PRSS23: variants seen among roughly 807,000 people sequenced by gnomAD.
The protein encoded by PRSS23 is serine protease 23, also known as protease, serine 23.
PRSS23 carries 25 observed loss-of-function variants against 34.7 expected under a neutral mutation model. The observed-to-expected ratio is 0.72, with a 90% confidence interval of 0.53 to 1.01. The LOEUF is 1.01. Ranked by LOEUF, PRSS23 falls within the 50% of genes least tolerant of loss-of-function variation. The pLI, the probability that PRSS23 is intolerant of heterozygous loss-of-function variation, is 0.00. For missense variants in PRSS23, 445 were observed against 475.6 expected (o/e 0.94, Z 0.60); for synonymous variants, 176 against 186.6 (o/e 0.94, Z 0.46).
chr11:86,892,142 A>G (rs1181811484), intron 2 of PRSS23: 1 of 152,234 alleles, frequency 6.6e-6, no homozygotes, highest in Non-Finnish European at 1.5e-5. Flanking sequence ...CCCAAAGCCA[A>G]CTAATGGGAC....
At chr11:86,871,464 C>A (rs1948683918) in intron 2 of PRSS23, among the ~76,000 whole-genome samples, 2 of 152,130 alleles carry the variant, frequency 1.3e-5, no homozygotes, top group South Asian at 4.1e-4. Context: ...GTTCTCTCTG[C>A]ATATTTTTAA....
At chr11:86,862,579 A>G (rs1409385059) in intron 2 of PRSS23, among the ~76,000 whole-genome samples, 2 of 150,886 alleles carry the variant, frequency 1.3e-5, no homozygotes, top group Non-Finnish European at 3.0e-5. Context: ...GGAGAATGCT[A>G]CTCCTAATGT....
intron 2 of PRSS23, among the ~76,000 whole-genome samples, chr11:86,823,812 C>T (rs1034746049): frequency 6.6e-6 from 1 of 151,884 alleles, no homozygotes; most frequent in African/African-American, 2.4e-5. Context: ...CGAGACCATC[C>T]TGGCTAACAC....
At chr11:86,878,774 T>G (rs1948744266) in intron 2 of PRSS23, among the ~76,000 whole-genome samples, 2 of 149,158 alleles carry the variant, frequency 1.3e-5, no homozygotes, top group African/African-American at 5.0e-5. Flanking sequence ...GTCTGGAAAG[T>G]GAGGAGCGTC....
intron 2 of PRSS23, among the ~76,000 whole-genome samples, chr11:86,884,797 T>A (rs1948792174): frequency 1.3e-5 from 2 of 152,212 alleles, no homozygotes; most frequent in African/African-American, 4.8e-5. Flanking sequence ...TTATTGAACA[T>A]GCCATGTGTC....
exon 2 of PRSS23, chr11:86,823,482 AACC>A (rs1163730130): frequency 4.3e-6 from 3 of 702,390 alleles, no homozygotes; most frequent in Admixed American, 2.0e-5. Flanking sequence ...AATTCAATTC[AACC>A]ACCACCTCCT....
At chr11:86,889,852 T>A (rs1565378233) in intron 2 of PRSS23, among the ~76,000 whole-genome samples, 6 of 152,210 alleles carry the variant, frequency 3.9e-5, no homozygotes, top group Admixed American at 3.9e-4. Context: ...TGATGTGCAG[T>A]AGTTCTGCCT....
intron 1 of PRSS23, among the ~76,000 whole-genome samples, chr11:86,801,716 T>C (rs1233393029): frequency 6.6e-6 from 1 of 152,204 alleles, no homozygotes; most frequent in African/African-American, 2.4e-5. Flanking sequence ...CATGCGAGTA[T>C]TTGTGACAGG....
chr11:86,889,309 T>A (rs1027199094), intron 2 of PRSS23, among the ~76,000 whole-genome samples: 4 of 152,182 alleles, frequency 2.6e-5, no homozygotes. Flanking sequence ...TTGGGCCCTG[T>A]CTTAGTCTGT....
chr11:86,807,502 C>G, intron 1 of PRSS23, 129 bp from the exon 2 acceptor site: 1 of 906,164 alleles, frequency 1.1e-6, no homozygotes, highest in Non-Finnish European at 1.7e-6. Context: ...GATTCCTCTC[C>G]ACACCCTGAT....
At chr11:86,868,274 G>A (rs1948663617) in intron 2 of PRSS23, among the ~76,000 whole-genome samples, 1 of 152,182 alleles carries the variant, frequency 6.6e-6, no homozygotes, top group Admixed American at 6.5e-5. Flanking sequence ...TGAGACTTTG[G>A]TGGGTTCCTT....
At chr11:86,907,632 G>C (rs76008401) in intron 2 of PRSS23, among the ~76,000 whole-genome samples, 5,198 of 152,074 alleles carry the variant, frequency 0.034, 171 homozygotes, top group Non-Finnish European at 0.046. Context: ...GATAATTTTT[G>C]TATTTTTCGT....
intron 2 of PRSS23, among the ~76,000 whole-genome samples, chr11:86,888,109 G>GTT (rs1347691976): frequency 2.5e-5 from 3 of 119,808 alleles, no homozygotes; most frequent in African/African-American, 3.1e-5. Flanking sequence ...CATCAAGTTG[G>GTT]TTTTTTTTAA....
At chr11:86,878,253 G>GTCTCCCTCTCCCTCATCTCCA (rs1948739427) in intron 2 of PRSS23, among the ~76,000 whole-genome samples, 2 of 78,884 alleles carry the variant, frequency 2.5e-5, no homozygotes, top group African/African-American at 9.4e-5. Context: ...CCTCATCTCC[G>GTCTCCCTCTCCCTCATCTCCA]TCTCCCTCTC....
intron 2 of PRSS23, among the ~76,000 whole-genome samples, chr11:86,861,360 C>A (rs74568188): frequency 0.094 from 14,217 of 151,700 alleles, 944 homozygotes; most frequent in Non-Finnish European, 0.13. Context: ...TTTTTGTACA[C>A]CCTCTCTGAT....
At chr11:86,900,339 C>G (rs139791063) in intron 2 of PRSS23, among the ~76,000 whole-genome samples, 1 of 152,208 alleles carries the variant, frequency 6.6e-6, no homozygotes, top group African/African-American at 2.4e-5. Context: ...TGCATGTGCC[C>G]GTATGCTCAG....
chr11:86,826,417 A>G (rs991672525), intron 2 of PRSS23, among the ~76,000 whole-genome samples: 1 of 152,204 alleles, frequency 6.6e-6, no homozygotes, highest in African/African-American at 2.4e-5. Flanking sequence ...TTTTCTAGAT[A>G]TACAATCATG....
chr11:86,792,681 A>T (rs777802288), intron 1 of PRSS23, among the ~76,000 whole-genome samples: 1 of 152,230 alleles, frequency 6.6e-6, no homozygotes, highest in Non-Finnish European at 1.5e-5. Context: ...ATCAAAGGCC[A>T]ACAAAAATAC....
intron 2 of PRSS23, chr11:86,909,651 A>G (rs12576589): frequency 0.65 from 98,768 of 152,112 alleles, 32,670 homozygotes; most frequent in Non-Finnish European, 0.72. Context: ...ATGTGGGGAA[A>G]GAACAGGGAT....
Sources: gnomAD v4.1 joint callset for allele counts (sites outside exome capture counted in the v4.1 genomes callset) on GRCh38, gnomAD v4.1.1 for gene constraint, MANE v1.5 for transcripts, NCBI Gene and HGNC (gene_info 2026-07-23, HGNC 2026-07-21) for gene names.